KCNJ16: variants seen among roughly 807,000 people sequenced by gnomAD.
KCNJ16 encodes the protein inward rectifier potassium channel 16.
Under a neutral mutation model 18.5 loss-of-function variants are expected in KCNJ16, and 15 were observed. The observed-to-expected ratio is 0.81, with a 90% CI of 0.54 to 1.25. KCNJ16 has a LOEUF of 1.25. KCNJ16 is among the 50% of genes most tolerant of loss of function. The probability of loss-of-function intolerance (pLI) is 0.00; values close to 1 mark genes in which losing one functional copy is unlikely to be tolerated. For synonymous variants in KCNJ16, 174 were observed against 186.5 expected, an observed-to-expected ratio of 0.93 and a Z score of 0.55; for missense variants, 523 against 525.7, an observed-to-expected ratio of 0.99 and a Z score of 0.05.
intron 1 of KCNJ16, among the ~76,000 whole-genome samples, chr17:70,091,542 CAT>C (rs2072091498): frequency 6.6e-6 from 1 of 152,096 alleles, no homozygotes; most frequent in Non-Finnish European, 1.5e-5. Flanking sequence ...AACAAGTAAA[CAT>C]GCAGTATTTG....
At chr17:70,121,603 A>C (rs1215045218) in intron 2 of KCNJ16, among the ~76,000 whole-genome samples, 1 of 152,282 alleles carries the variant, frequency 6.6e-6, no homozygotes, top group East Asian at 1.9e-4. Context: ...GAAACTGGAG[A>C]GTTTTAAGCA....
chr17:70,125,307 T>C (rs932735580), intron 2 of KCNJ16, among the ~76,000 whole-genome samples: 1 of 149,998 alleles, frequency 6.7e-6, no homozygotes, highest in Non-Finnish European at 1.5e-5. Context: ...GAAATAAAAG[T>C]CACCTTGTCC....
At chr17:70,085,730 G>A (rs140257424) in intron 1 of KCNJ16, among the ~76,000 whole-genome samples, 4 of 151,976 alleles carry the variant, frequency 2.6e-5, no homozygotes, top group South Asian at 2.1e-4. Flanking sequence ...TACATCAACC[G>A]CTAGCTTATT....
chr17:70,116,204 T>G (rs1397073011), intron 2 of KCNJ16, among the ~76,000 whole-genome samples: 1 of 152,124 alleles, frequency 6.6e-6, no homozygotes, highest in Non-Finnish European at 1.5e-5. Context: ...TGTATGAGAG[T>G]TTTTATAGCC....
chr17:70,112,328 T>A (rs1445348052), intron 2 of KCNJ16, among the ~76,000 whole-genome samples: 1 of 152,158 alleles, frequency 6.6e-6, no homozygotes, highest in Non-Finnish European at 1.5e-5. Context: ...ATTCACAAGT[T>A]GTTGACAATC....
At position 70,132,100 on chromosome 17, in the gene KCNJ16, G is replaced by A. The variant is rs147302947; in HGVS notation, c.13G>A (p.Gly5Ser). MSYY[G>S]SSYHIINADA... is the part of the protein sequence containing the mutation. ...GGCACAGCAAAGAATGAGCTATTACGGCAGCAGCTATCATATTATCAATGC... is the reference window on the plus strand; with the variant it reads ...GGCACAGCAAAGAATGAGCTATTACAGCAGCAGCTATCATATTATCAATGC... Residue 5 changes from glycine to serine, a missense_variant, in exon 4 of 4, where the codon GGC becomes AGC. Transcript: ENST00000392671. The A allele has an allele frequency of 1.1e-4, 174 of 1,614,114 alleles. No homozygotes were observed. The African/African-American group carries it at 1.6e-3, about 15-fold the overall frequency.
chr17:70,086,032 A>G, intron 1 of KCNJ16, among the ~76,000 whole-genome samples: 1 of 152,200 alleles, frequency 6.6e-6, no homozygotes, highest in East Asian at 1.9e-4. Flanking sequence ...CTGTGACACC[A>G]TTTATTTGAT....
rs1450312528 is a variant in KCNJ16 at position 70,123,979 on chromosome 17, A to G, written c.-190-6900A>G. Among the ~76,000 whole-genome samples, 4 of 152,226 alleles carry G rather than the reference A, an allele frequency of 2.6e-5. 1 individual carries two copies. The highest frequency in any genetic ancestry group is 2.0e-4 in the Admixed American group (3 of 15,286). On this transcript the variant is annotated intron_variant, in intron 2 of 3. Transcript: ENST00000392671. ...AAAATGCAGATGCGTTCCTGTAATG[A>G]TAACTTCTTATGGAAACCAGGTCTT... is the stretch of plus-strand genomic sequence containing the variant.
At chr17:70,105,193 T>C (rs952816357) in intron 2 of KCNJ16, 1 of 152,378 alleles carries the variant, frequency 6.6e-6, no homozygotes, top group South Asian at 2.1e-4. Context: ...GATGCTTTTT[T>C]TGGCTCAGCA....
chr17:70,112,245 A>T (rs1245622035), intron 2 of KCNJ16, among the ~76,000 whole-genome samples: 1 of 152,220 alleles, frequency 6.6e-6, no homozygotes, highest in Non-Finnish European at 1.5e-5. Context: ...TATGAATAAC[A>T]GGACAAATAT....
intron 1 of KCNJ16, among the ~76,000 whole-genome samples, chr17:70,079,141 TA>T (rs1168586702): frequency 2.0e-5 from 3 of 152,142 alleles, no homozygotes; most frequent in Non-Finnish European, 2.9e-5. Context: ...GGCTGGCAAG[TA>T]TGAAATCTGT....
chr17:70,084,327 T>C (rs976802070), intron 1 of KCNJ16, among the ~76,000 whole-genome samples: 11 of 152,120 alleles, frequency 7.2e-5, no homozygotes, highest in African/African-American at 2.4e-4. Context: ...AAACAAGTGA[T>C]AGAGACATTG....
chr17:70,087,006 C>T (rs537464289), intron 1 of KCNJ16, among the ~76,000 whole-genome samples: 1 of 152,162 alleles, frequency 6.6e-6, no homozygotes, highest in African/African-American at 2.4e-5. Context: ...TCAAGATATT[C>T]TCCTGCCTCA....
chr17:70,077,011 T>C (rs2071342667), intron 1 of KCNJ16, among the ~76,000 whole-genome samples: 1 of 152,168 alleles, frequency 6.6e-6, no homozygotes, highest in South Asian at 2.1e-4. Context: ...AAGGGGGTGA[T>C]ATTTAGCCAA....
chr17:70,109,326 A>G (rs2073082733), intron 2 of KCNJ16, among the ~76,000 whole-genome samples: 2 of 152,142 alleles, frequency 1.3e-5, no homozygotes, highest in African/African-American at 4.8e-5. Context: ...AGAATTAAAC[A>G]TATTTCATGG....
chr17:70,087,665 C>T (rs1245495909), intron 1 of KCNJ16, among the ~76,000 whole-genome samples: 3 of 151,972 alleles, frequency 2.0e-5, no homozygotes, highest in African/African-American at 7.3e-5. Flanking sequence ...CGAGATTGCA[C>T]CACTGCACTC....
intron 1 of KCNJ16, among the ~76,000 whole-genome samples, chr17:70,078,579 G>A (rs1256126147): frequency 1.3e-5 from 2 of 152,130 alleles, no homozygotes; most frequent in African/African-American, 2.4e-5. Flanking sequence ...AAACACTCTT[G>A]TTTTGGTAAA....
intron 1 of KCNJ16, among the ~76,000 whole-genome samples, chr17:70,095,525 C>T (rs930201720): frequency 2.6e-5 from 4 of 152,176 alleles, no homozygotes; most frequent in African/African-American, 9.7e-5. Flanking sequence ...AAACGTGAAG[C>T]TTTTCTACTC....
At chr17:70,092,519 TAGATAC>T (rs2072139193) in intron 1 of KCNJ16, among the ~76,000 whole-genome samples, 1 of 39,664 alleles carries the variant, frequency 2.5e-5, no homozygotes, top group African/African-American at 9.2e-5. Flanking sequence ...GATAGATAGA[TAGATAC>T]ATAGACAGAT....
Sources: allele counts gnomAD v4.1 joint callset (sites outside exome capture counted in the v4.1 genomes callset), GRCh38; gene constraint gnomAD v4.1.1; transcripts MANE v1.5; gene names NCBI Gene and HGNC (gene_info 2026-07-23, HGNC 2026-07-21).